Variants in TLDC2 observed in about 807,000 individuals in gnomAD.
TLDC2 encodes TBC/LysM-associated domain containing 2.
Under a neutral mutation model 27.9 loss-of-function variants are expected in TLDC2, and 23 were observed. The ratio of observed to expected loss-of-function variants is 0.82; its 90% CI spans 0.59 to 1.17. The LOEUF (loss-of-function observed/expected upper bound fraction) is 1.17. TLDC2 is among the 50% of genes most tolerant of loss of function. The probability of loss-of-function intolerance (pLI) is 0.00; values close to 1 mark genes in which losing one functional copy is unlikely to be tolerated. For synonymous variants in TLDC2, 124 were observed against 107.4 expected, an observed-to-expected ratio of 1.16 and a Z score of -0.96; for missense variants, 286 against 273.4, an observed-to-expected ratio of 1.05 and a Z score of -0.32.
At chr20:36,878,691 A>G (rs1428369654) in intron 2 of TLDC2, among the ~76,000 whole-genome samples, 2 of 152,038 alleles carry the variant, frequency 1.3e-5, no homozygotes, top group East Asian at 3.9e-4. Context: ...AGGAGGGTTC[A>G]GCATCTTTCC....
intron 6 of TLDC2, chr20:36,892,064 G>C (rs560560498): frequency 6.6e-6 from 1 of 152,548 alleles, no homozygotes; most frequent in East Asian, 1.9e-4. Context: ...CACTACCCGG[G>C]TCTGGAGCCG....
chr20:36,877,410 A>G (rs1288825288), intron 1 of TLDC2, among the ~76,000 whole-genome samples: 4 of 151,994 alleles, frequency 2.6e-5, no homozygotes, highest in African/African-American at 9.7e-5. Context: ...AAAAGAAAAA[A>G]GAAGAAGAAA....
rs887161366 is a variant in TLDC2 at position 36,880,822 on chromosome 20, C to T, written c.438+72C>T. On this transcript the variant is annotated intron_variant, in intron 4 of 6. Transcript: ENST00000217320. Reference sequence around the variant, plus strand: ...CAAAGCTCCCGGGGTCCCAGTGGCTCCCAGCTCCATCCTCCACGATGGGCT... The same window carrying T: ...CAAAGCTCCCGGGGTCCCAGTGGCTTCCAGCTCCATCCTCCACGATGGGCT... 4.4e-6 allele frequency: 6 copies of T among 1,378,370 alleles called. No homozygotes were observed. In the African/African-American group the frequency reaches 7.1e-5, roughly 16 times the overall value. 85.4% of individuals were successfully genotyped at this position (1,378,370 alleles called of 1,614,324 possible).
chr20:36,889,262 G>A lies in TLDC2; in HGVS notation c.524G>A (p.Gly175Glu). 6.2e-7 allele frequency: 1 copy of A among 1,614,146 alleles called. No individual in the cohort carries two copies. The highest frequency in any genetic ancestry group is 8.5e-7 in the Non-Finnish European group (1 of 1,180,014). The change falls in exon 6 of 7, where the codon GGG (glycine) becomes GAG (glutamate). Residue 175 changes from glycine to glutamate, a missense_variant. Coordinates refer to ENST00000217320, the MANE Select transcript of TLDC2 (RefSeq NM_080628.3). The stretch of plus-strand genomic sequence containing the variant: ...CCTCTTCTCTCTAGTGGCCGGTTTG[G>A]GCTGTGGTTGGATGGAGACTTGTTC... The part of the protein sequence containing the change: ...LMMGSGSGRF[G>E]LWLDGDLFRG...
intron 2 of TLDC2, among the ~76,000 whole-genome samples, chr20:36,878,829 T>C (rs1327778984): frequency 6.6e-6 from 1 of 152,112 alleles, no homozygotes; most frequent in African/African-American, 2.4e-5. Flanking sequence ...CCACCCTCCC[T>C]GGGCCTCAGT....
At chr20:36,876,333 T>C (rs1274392825) in intron 1 of TLDC2, 126 bp downstream of exon 1, 1 of 1,276,410 alleles carries the variant, frequency 7.8e-7, no homozygotes, top group Non-Finnish European at 1.1e-6. Context: ...AGTCCCTCCC[T>C]GGCAGGCCTG....
intron 4 of TLDC2, among the ~76,000 whole-genome samples, chr20:36,881,286 G>A (rs1398362496): frequency 2.0e-5 from 3 of 152,244 alleles, no homozygotes; most frequent in Non-Finnish European, 4.4e-5. Context: ...AGGCTGATAC[G>A]GGAGGATCGT....
intron 3 of TLDC2, among the ~76,000 whole-genome samples, chr20:36,880,305 A>G (rs1291124): frequency 0.47 from 71,156 of 150,924 alleles, 18,469 homozygotes; most frequent in South Asian, 0.65. Flanking sequence ...AGTTGGCCAG[A>G]TTGGTCTTGA....
In TLDC2 at chr20:36,893,146, G is replaced by A; in HGVS notation, c.*302G>A. The A allele has an allele frequency of 6.5e-7, 1 of 1,536,542 alleles. No homozygotes were observed. The highest frequency in any genetic ancestry group is 8.9e-7 in the Non-Finnish European group (1 of 1,121,106). ...TTATTTCTGAGTGAAAGTCTCAAGT[G>A]CGCACATCCTCATCTTGCATATAGA... On this transcript the variant is annotated 3_prime_UTR_variant, in exon 7 of 7. Coordinates refer to ENST00000217320, the MANE Select transcript of TLDC2 (RefSeq NM_080628.3).
chr20:36,887,674 C>CA (rs1271007712), intron 5 of TLDC2, 146 bp downstream of exon 5: 30 of 750,730 alleles, frequency 4.0e-5, no homozygotes, highest in Non-Finnish European at 6.1e-5. Flanking sequence ...CTCAGCCTCC[C>CA]AGCCAACCCC....
In TLDC2 at chr20:36,893,361, C is replaced by T; in HGVS notation, c.*517C>T. ...GCCTCCTTCACACACCTTCACGGAG[C>T]ACAAACTCTGTCCTGTTTTCCCAGG... On this transcript the variant is annotated 3_prime_UTR_variant, in exon 7 of 7. Transcript: ENST00000217320. 2.1e-6 allele frequency: 1 copy of T among 471,890 alleles called. No homozygotes were observed. Among genetic ancestry groups the T allele is most frequent in the East Asian group, 4.1e-5 (1 of 24,338 alleles). The allele number at this position is 471,890 out of a possible 1,614,324, so 29.2% of individuals were successfully genotyped here.
intron 4 of TLDC2, among the ~76,000 whole-genome samples, chr20:36,883,338 T>C (rs562265262): frequency 6.6e-6 from 1 of 152,140 alleles, no homozygotes; most frequent in African/African-American, 2.4e-5. Context: ...GGTTTTACTA[T>C]GTTGCCCAGG....
At chr20:36,882,751 G>A (rs896869820) in intron 4 of TLDC2, among the ~76,000 whole-genome samples, 1 of 152,062 alleles carries the variant, frequency 6.6e-6, no homozygotes, top group Admixed American at 6.6e-5. Flanking sequence ...GGGCTCCATC[G>A]AGCTTCCCAG....
chr20:36,887,364 C>T, intron 4 of TLDC2, 91 bp from the exon 5 acceptor site: 1 of 1,182,590 alleles, frequency 8.5e-7, no homozygotes, highest in South Asian at 1.2e-5. Flanking sequence ...CTGTTCCCGC[C>T]ACAACACTGC....
Position 36,879,217 on chromosome 20 carries a change from C to T in TLDC2, c.342+24C>T, listed in dbSNP as rs770502666. ...AGGTGAGCTGGGCAGGGGCACCACC[C>T]GAGGCTCTGGGGGCACCCCACCAGG... On this transcript the variant is annotated intron_variant, in intron 3 of 6. Transcript: ENST00000217320. 6 of 1,603,312 alleles carry T rather than the reference C, an allele frequency of 3.7e-6. No homozygotes were observed. The East Asian group carries it at 6.7e-5, about 18-fold the overall frequency.
At chr20:36,884,875 C>CTTTTT (rs11480944) in intron 4 of TLDC2, among the ~76,000 whole-genome samples, 3 of 103,224 alleles carry the variant, frequency 2.9e-5, no homozygotes, top group Non-Finnish European at 3.6e-5. Flanking sequence ...CACAGAAATT[C>CTTTTT]TTTTTTTTTT....
intron 5 of TLDC2, 64 bp from the exon 6 acceptor site, chr20:36,889,187 G>A (rs1225907231): frequency 5.1e-6 from 8 of 1,581,578 alleles, no homozygotes; most frequent in Non-Finnish European, 6.9e-6. Context: ...TGATGCTGGT[G>A]GCAGAGCCTG....
rs1468208709 is a variant in TLDC2, at chr20:36,879,180, A to T, written c.329A>T (p.Asp110Val). 1 of 1,613,188 alleles carries T rather than the reference A, an allele frequency of 6.2e-7. No individual in the cohort carries two copies. The highest frequency in any genetic ancestry group is 8.5e-7 in the Non-Finnish European group (1 of 1,179,802). ...CSGPVLLVLR[D>V]QDGQIFGAFS... is the part of the protein sequence containing the mutation. ...GGGCCAGTGCTGCTGGTGCTCAGGGACCAGGACGGGCAGGTGAGCTGGGCA... is the reference window on the plus strand; with the variant it reads ...GGGCCAGTGCTGCTGGTGCTCAGGGTCCAGGACGGGCAGGTGAGCTGGGCA... The change falls in exon 3 of 7, where the codon GAC becomes GTC. Residue 110 changes from aspartate to valine, a missense_variant. Coordinates refer to ENST00000217320, the MANE Select transcript of TLDC2 (RefSeq NM_080628.3).
intron 1 of TLDC2, 113 bp from the exon 2 acceptor site, chr20:36,877,786 G>A: frequency 1.6e-6 from 2 of 1,259,492 alleles, no homozygotes; most frequent in Non-Finnish European, 2.2e-6. Context: ...GGGGGTTACA[G>A]GCACATGGGC....
Sources: gnomAD v4.1 joint callset for allele counts (sites outside exome capture counted in the v4.1 genomes callset) on GRCh38, gnomAD v4.1.1 for gene constraint, MANE v1.5 for transcripts, NCBI Gene and HGNC (gene_info 2026-07-23, HGNC 2026-07-21) for gene names.